TNS3: variants seen among roughly 807,000 people sequenced by gnomAD.
The protein encoded by TNS3 is tensin 3.
In TNS3, 45 loss-of-function variants were observed where a neutral mutation model predicts 140.9. The observed-to-expected ratio is 0.32, with a 90% CI of 0.25 to 0.41. TNS3 has a LOEUF of 0.41. Among genes scored for constraint, TNS3 ranks in the 10% least tolerant of loss-of-function variants. TNS3 has a pLI of 1.00. For synonymous variants in TNS3, 815 were observed against 788.4 expected (o/e 1.03, Z -0.56); for missense variants, 1,716 against 1,906.7 (o/e 0.90, Z 1.86).
intron 7 of TNS3, among the ~76,000 whole-genome samples, chr7:47,436,226 C>A (rs1795174746): frequency 6.6e-6 from 1 of 152,162 alleles, no homozygotes; most frequent in Non-Finnish European, 1.5e-5. Flanking sequence ...ATACATTTAG[C>A]ATAATTGAGA....
At chr7:47,436,468 A>C (rs868443529) in intron 7 of TNS3, among the ~76,000 whole-genome samples, 19 of 152,294 alleles carry the variant, frequency 1.2e-4, no homozygotes, top group Admixed American at 6.5e-4. Context: ...CATTAGGACA[A>C]ATACTTAATG....
chr7:47,366,136 G>C (rs1468077451), intron 17 of TNS3, among the ~76,000 whole-genome samples: 1 of 152,186 alleles, frequency 6.6e-6, no homozygotes, highest in African/African-American at 2.4e-5. Context: ...AGTAAGTCAG[G>C]TATGATACTG....
chr7:47,440,801 G>GTGTT (rs1489202122), intron 5 of TNS3, among the ~76,000 whole-genome samples: 1 of 152,220 alleles, frequency 6.6e-6, no homozygotes, highest in Non-Finnish European at 1.5e-5. Context: ...GTGTCCTTAA[G>GTGTT]TCCCTCCAAA....
At chr7:47,495,873 T>A (rs549923054) in intron 3 of TNS3, among the ~76,000 whole-genome samples, 1 of 152,140 alleles carries the variant, frequency 6.6e-6, no homozygotes, top group Non-Finnish European at 1.5e-5. Flanking sequence ...TCCTCCTCCA[T>A]CTCGGCAGAG....
chr7:47,556,013 G>T (rs1486656460), intron 1 of TNS3, among the ~76,000 whole-genome samples: 2 of 152,180 alleles, frequency 1.3e-5, no homozygotes, highest in Non-Finnish European at 2.9e-5. Flanking sequence ...TGCATGCACG[G>T]TATACATGTG....
chr7:47,519,777 G>T (rs1798902023), intron 2 of TNS3, among the ~76,000 whole-genome samples: 1 of 147,514 alleles, frequency 6.8e-6, no homozygotes, highest in South Asian at 2.2e-4. Flanking sequence ...CAGAGGCCAG[G>T]CTTCGACTCC....
At chr7:47,560,521 C>T (rs1245092235) in intron 1 of TNS3, among the ~76,000 whole-genome samples, 1 of 152,194 alleles carries the variant, frequency 6.6e-6, no homozygotes, top group Non-Finnish European at 1.5e-5. Context: ...CCTAACTTCT[C>T]ACCCGGTGGC....
At chr7:47,377,411 C>G (rs1385509967) in intron 16 of TNS3, among the ~76,000 whole-genome samples, 3 of 152,284 alleles carry the variant, frequency 2.0e-5, no homozygotes, top group Admixed American at 2.0e-4. Flanking sequence ...GACACTGTGT[C>G]TGGACACAAA....
chr7:47,295,881 T>C (rs1357753457), intron 24 of TNS3, among the ~76,000 whole-genome samples: 5 of 152,154 alleles, frequency 3.3e-5, no homozygotes, highest in Admixed American at 3.3e-4. Context: ...CATCCAAGAA[T>C]TTGGAAAAAT....
chr7:47,316,550 TTTTG>T (rs1363981935), intron 20 of TNS3, among the ~76,000 whole-genome samples: 1 of 151,378 alleles, frequency 6.6e-6, no homozygotes, highest in African/African-American at 2.4e-5. Context: ...GTTTGTTTGT[TTTTG>T]TTTTTTTTTT....
At chr7:47,545,386 T>C (rs1195944976) in intron 1 of TNS3, among the ~76,000 whole-genome samples, 1 of 152,148 alleles carries the variant, frequency 6.6e-6, no homozygotes, top group African/African-American at 2.4e-5. Context: ...AAGAGCTAGA[T>C]GGTAGTGCAT....
At position 47,376,159 on chromosome 7, in the gene TNS3, C is replaced by A. The variant is rs988387538; in HGVS notation, c.1025-6538G>T. On this transcript the variant is annotated intron_variant, in intron 16 of 30. Coordinates refer to ENST00000311160, the MANE Select transcript of TNS3 (RefSeq NM_022748.12). ...ACTTAAAAGCAATACTCAGCCCAGT[C>A]CTGATGATGTGCTGGAGAATGGACA... Among the ~76,000 whole-genome samples the A allele has an allele frequency of 2.0e-5, 3 of 152,160 alleles. No individual in the cohort carries two copies. The East Asian group carries it at 5.8e-4, about 29-fold the overall frequency.
At chr7:47,496,121 AG>A (rs1483238707) in intron 3 of TNS3, among the ~76,000 whole-genome samples, 1 of 152,124 alleles carries the variant, frequency 6.6e-6, no homozygotes, top group African/African-American at 2.4e-5. Flanking sequence ...AGCCTGGAGG[AG>A]GGGTGACAGG....
intron 17 of TNS3, among the ~76,000 whole-genome samples, chr7:47,357,957 T>C (rs1216423696): frequency 2.0e-5 from 3 of 152,184 alleles, no homozygotes; most frequent in Non-Finnish European, 2.9e-5. Context: ...TAACCTTACG[T>C]GCAGATGTGA....
intron 16 of TNS3, among the ~76,000 whole-genome samples, chr7:47,374,156 A>G (rs1192668808): frequency 6.6e-6 from 1 of 152,234 alleles, no homozygotes; most frequent in Admixed American, 6.5e-5. Flanking sequence ...GTCATGACCT[A>G]AAGGTTAGCC....
At chr7:47,482,579 G>A (rs747265635) in intron 3 of TNS3, among the ~76,000 whole-genome samples, 2 of 152,182 alleles carry the variant, frequency 1.3e-5, no homozygotes, top group African/African-American at 2.4e-5. Flanking sequence ...TTAACAGAGC[G>A]GTGTGACTTA....
rs1784946070 is a variant in TNS3, at chr7:47,278,027, C to T, written c.*49G>A. On this transcript the variant is annotated 3_prime_UTR_variant, in exon 31 of 31. Coordinates refer to ENST00000311160, the MANE Select transcript of TNS3 (RefSeq NM_022748.12). The stretch of plus-strand genomic sequence containing the variant: ...GGCCCCACCCTCACCCAACGGCTGT[C>T]TCCAGGGCTTCGAGAGGCATCGGTG... 1 of 1,613,206 alleles carries T rather than the reference C, an allele frequency of 6.2e-7. No individual in the cohort carries two copies. The highest frequency in any genetic ancestry group is 8.5e-7 in the Non-Finnish European group (1 of 1,179,578).
chr7:47,578,288 C>T (rs1476438365), intron 1 of TNS3, among the ~76,000 whole-genome samples: 3 of 151,982 alleles, frequency 2.0e-5, no homozygotes, highest in African/African-American at 7.2e-5. Context: ...CCAGCCTGGA[C>T]TCCAGCAAGA....
At chr7:47,291,421 C>G (rs890148262) in intron 27 of TNS3, among the ~76,000 whole-genome samples, 1 of 152,088 alleles carries the variant, frequency 6.6e-6, no homozygotes. Flanking sequence ...AGCGGGGAGG[C>G]TATGCGTGTA....
Sources: allele counts gnomAD v4.1 joint callset (sites outside exome capture counted in the v4.1 genomes callset), GRCh38; gene constraint gnomAD v4.1.1; transcripts MANE v1.5; gene names NCBI Gene and HGNC (gene_info 2026-07-23, HGNC 2026-07-21).